Variants in PCDH9 observed in about 807,000 individuals in gnomAD.
The protein encoded by PCDH9 is protocadherin-9.
In PCDH9, 24 loss-of-function variants were observed where a neutral mutation model predicts 70.6. That is an observed-to-expected ratio of 0.34 (90% CI 0.25 to 0.48). The LOEUF is 0.48. PCDH9 is among the 20% of genes least tolerant of loss of function. The probability of loss-of-function intolerance (pLI) is 0.99; values close to 1 mark genes in which losing one functional copy is unlikely to be tolerated. For synonymous variants in PCDH9, 562 were observed against 558.5 expected, an observed-to-expected ratio of 1.01 and a Z score of -0.09; for missense variants, 1,281 against 1,503.6, an observed-to-expected ratio of 0.85 and a Z score of 2.45.
intron 2 of PCDH9, among the ~76,000 whole-genome samples, chr13:66,998,116 A>C (rs1361812329): frequency 6.6e-6 from 1 of 152,208 alleles, no homozygotes; most frequent in African/African-American, 2.4e-5. Flanking sequence ...TTGGACACCC[A>C]CTGGGGCCTT....
chr13:67,148,551 T>A (rs1051099242), intron 2 of PCDH9, among the ~76,000 whole-genome samples: 24 of 152,160 alleles, frequency 1.6e-4, no homozygotes, highest in African/African-American at 5.6e-4. Flanking sequence ...AATGAGAAGA[T>A]GAAGGCAAAA....
intron 4 of PCDH9, among the ~76,000 whole-genome samples, chr13:66,595,781 C>G (rs554082786): frequency 8.6e-5 from 13 of 151,416 alleles, no homozygotes; most frequent in African/African-American, 3.1e-4. Context: ...AATATATTAA[C>G]GTATAGGAAT....
At chr13:67,083,606 C>G (rs533852180) in intron 2 of PCDH9, among the ~76,000 whole-genome samples, 174 of 152,096 alleles carry the variant, frequency 1.1e-3, no homozygotes, top group Non-Finnish European at 2.1e-3. Context: ...TGCTTTTTAG[C>G]TAGTAGTAAA....
intron 4 of PCDH9, among the ~76,000 whole-genome samples, chr13:66,561,487 T>C (rs1199379100): frequency 6.6e-6 from 1 of 152,224 alleles, no homozygotes; most frequent in African/African-American, 2.4e-5. Flanking sequence ...GCTGGGCTCC[T>C]GAGTCTGGTG....
At position 67,002,678 on chromosome 13, in the gene PCDH9, C is replaced by T. The variant is rs80118626; in HGVS notation, c.3037-99073G>A. Among the ~76,000 whole-genome samples the T allele has an allele frequency of 1.6e-4, 24 of 151,870 alleles. No individual in the cohort carries two copies. The East Asian group carries it at 3.7e-3, about 23-fold the overall frequency. The stretch of plus-strand genomic sequence containing the variant: ...TAATTTCTCAGAACTTAACTTTCAC[C>T]GAAATAAAGTTATTCTTCCTGAGAA... On this transcript the variant is annotated intron_variant, in intron 2 of 4. Transcript: ENST00000377865.
chr13:66,328,824 T>G (rs1955891642), intron 4 of PCDH9, among the ~76,000 whole-genome samples: 1 of 152,170 alleles, frequency 6.6e-6, no homozygotes, highest in South Asian at 2.1e-4. Flanking sequence ...CAAAGAAATA[T>G]CAAAGCATAT....
intron 3 of PCDH9, among the ~76,000 whole-genome samples, chr13:66,647,148 G>T (rs952863987): frequency 2.6e-5 from 4 of 152,090 alleles, no homozygotes; most frequent in Non-Finnish European, 5.9e-5. Context: ...ACCAAATTCT[G>T]ATGCTATTCT....
chr13:66,650,935 A>AG (rs1456181276), intron 3 of PCDH9, among the ~76,000 whole-genome samples: 1 of 152,018 alleles, frequency 6.6e-6, no homozygotes, highest in Non-Finnish European at 1.5e-5. Flanking sequence ...CTGAATGACC[A>AG]GGGGGTGAGT....
At chr13:67,085,652 G>T (rs2086092525) in intron 2 of PCDH9, among the ~76,000 whole-genome samples, 2 of 152,130 alleles carry the variant, frequency 1.3e-5, no homozygotes, top group African/African-American at 4.8e-5. Context: ...TATTGAATGT[G>T]CTTATTTGGT....
intron 3 of PCDH9, among the ~76,000 whole-genome samples, chr13:66,747,932 T>A (rs1364955709): frequency 1.3e-5 from 2 of 152,192 alleles, no homozygotes; most frequent in Non-Finnish European, 2.9e-5. Flanking sequence ...ACCATTAGCA[T>A]CAATTTTGTG....
At chr13:66,333,432 G>A (rs1265067870) in intron 4 of PCDH9, among the ~76,000 whole-genome samples, 1 of 152,146 alleles carries the variant, frequency 6.6e-6, no homozygotes, top group Admixed American at 6.5e-5. Flanking sequence ...CCAGCCTCAA[G>A]CCGCTGTCCC....
intron 4 of PCDH9, among the ~76,000 whole-genome samples, chr13:66,317,808 G>C (rs1955680267): frequency 6.6e-6 from 1 of 152,084 alleles, no homozygotes; most frequent in African/African-American, 2.4e-5. Flanking sequence ...AACTATATTG[G>C]CTTACAATGA....
intron 4 of PCDH9, among the ~76,000 whole-genome samples, chr13:66,485,886 C>A (rs1958930844): frequency 6.6e-6 from 1 of 151,846 alleles, no homozygotes; most frequent in Non-Finnish European, 1.5e-5. Context: ...ACCACCACGT[C>A]TGGCTAATTT....
intron 2 of PCDH9, chr13:67,220,870 G>A (rs1267283616): frequency 6.6e-6 from 1 of 151,964 alleles, no homozygotes; most frequent in Non-Finnish European, 1.5e-5. Flanking sequence ...TTATAGCTTA[G>A]GAATATCAAG....
chr13:66,445,568 G>GACATATATAATATATACACA (rs1566330964), intron 4 of PCDH9, among the ~76,000 whole-genome samples: 1 of 114,050 alleles, frequency 8.8e-6, no homozygotes, highest in African/African-American at 3.4e-5. Context: ...ATATATACGT[G>GACATATATAATATATACACA]TATATATTAT....
chr13:66,447,236 T>C (rs534553672), intron 4 of PCDH9, among the ~76,000 whole-genome samples: 44 of 152,076 alleles, frequency 2.9e-4, no homozygotes, highest in Non-Finnish European at 4.6e-4. Context: ...ATTTCCTTTA[T>C]CAATTGAAGC....
rs552851297 is a variant in PCDH9 at position 66,853,293 on chromosome 13, C to T, written c.3138+50211G>A. ...GAGGATCTAAAGAGTGCTAAAATGA[C>T]TAGGAATCTTTCTGGTCTCCATTCC... On this transcript the variant is annotated intron_variant, in intron 3 of 4. Transcript: ENST00000377865. Among the ~76,000 whole-genome samples, 8 of 151,844 alleles carry T rather than the reference C, an allele frequency of 5.3e-5. No homozygotes were observed. The South Asian group carries it at 1.7e-3, about 32-fold the overall frequency.
At chr13:66,701,627 A>G (rs2078649514) in intron 3 of PCDH9, among the ~76,000 whole-genome samples, 1 of 152,122 alleles carries the variant, frequency 6.6e-6, no homozygotes, top group African/African-American at 2.4e-5. Context: ...GCAGGTTCAC[A>G]AGGCTTCATC....
At chr13:66,686,662 C>T (rs530809950) in intron 3 of PCDH9, among the ~76,000 whole-genome samples, 4 of 152,086 alleles carry the variant, frequency 2.6e-5, no homozygotes, top group Non-Finnish European at 5.9e-5. Flanking sequence ...ATTAGTCTAA[C>T]CATTTTTTAC....
Sources: gnomAD v4.1 joint callset for allele counts (sites outside exome capture counted in the v4.1 genomes callset) on GRCh38, gnomAD v4.1.1 for gene constraint, MANE v1.5 for transcripts, NCBI Gene and HGNC (gene_info 2026-07-23, HGNC 2026-07-21) for gene names.